CDH18: variants seen among roughly 807,000 people sequenced by gnomAD.
CDH18 encodes the protein cadherin 18.
A neutral mutation model predicts 67.9 loss-of-function variants in CDH18; 31 were observed. The observed-to-expected ratio is 0.46, with a 90% CI of 0.34 to 0.62. CDH18 has a LOEUF of 0.62. Among genes scored for constraint, CDH18 ranks in the 20% least tolerant of loss-of-function variants. The probability of loss-of-function intolerance (pLI) is 0.01; values close to 1 mark genes in which losing one functional copy is unlikely to be tolerated. For missense variants in CDH18, 890 were observed against 975.5 expected (o/e 0.91, Z 1.17); for synonymous variants, 362 against 347.2 (o/e 1.04, Z -0.48).
chr5:20,443,219 A>AAAAAAAAAAAAAG (rs1749760920), intron 1 of CDH18, among the ~76,000 whole-genome samples: 1 of 149,538 alleles, frequency 6.7e-6, no homozygotes, highest in African/African-American at 2.5e-5. Context: ...CAAAAAAAAA[A>AAAAAAAAAAAAAG]AAAAAAAAAA....
chr5:20,162,149 T>A (rs1289794048), intron 2 of CDH18, among the ~76,000 whole-genome samples: 1 of 152,022 alleles, frequency 6.6e-6, no homozygotes, highest in Non-Finnish European at 1.5e-5. Flanking sequence ...AAGCTCAATT[T>A]CTTTAGGCTT....
intron 1 of CDH18, among the ~76,000 whole-genome samples, chr5:20,264,176 A>G (rs1400609411): frequency 6.6e-6 from 1 of 152,088 alleles, no homozygotes; most frequent in Admixed American, 6.6e-5. Context: ...AACTACAGAT[A>G]TAATAATGCT....
At chr5:19,971,479 T>C (rs1324934513) in intron 2 of CDH18, among the ~76,000 whole-genome samples, 1 of 152,016 alleles carries the variant, frequency 6.6e-6, no homozygotes, top group East Asian at 1.9e-4. Context: ...AGATAGTTTG[T>C]TTAAAAGAAT....
chr5:20,268,172 C>T (rs1745181153), intron 1 of CDH18, among the ~76,000 whole-genome samples: 1 of 152,058 alleles, frequency 6.6e-6, no homozygotes, highest in Admixed American at 6.6e-5. Flanking sequence ...GTATACGTAC[C>T]ATATTTTCTT....
intron 2 of CDH18, among the ~76,000 whole-genome samples, chr5:19,840,287 A>G (rs866513586): frequency 0.012 from 633 of 52,324 alleles, 2 homozygotes; most frequent in Non-Finnish European, 0.022. Flanking sequence ...AAAAAAAAAA[A>G]GAAAAAAAAA....
chr5:19,561,066 C>T (rs746480757), intron 8 of CDH18, among the ~76,000 whole-genome samples: 6 of 152,012 alleles, frequency 3.9e-5, no homozygotes, highest in Non-Finnish European at 5.9e-5. Context: ...GGTGGGAGTG[C>T]AAACTAGTAC....
At chr5:20,520,475 C>T (rs758954754) in intron 1 of CDH18, among the ~76,000 whole-genome samples, 12 of 152,080 alleles carry the variant, frequency 7.9e-5, no homozygotes, top group Non-Finnish European at 1.5e-4. Flanking sequence ...AAGCTCCCAC[C>T]TGAGAGGAAT....
chr5:20,152,942 T>A (rs1028878653), intron 2 of CDH18, among the ~76,000 whole-genome samples: 1 of 149,104 alleles, frequency 6.7e-6, no homozygotes, highest in South Asian at 2.1e-4. Flanking sequence ...ATGAGGAATT[T>A]TTTTTTTTTT....
intron 7 of CDH18, among the ~76,000 whole-genome samples, chr5:19,581,589 AGAG>A (rs1190573870): frequency 6.6e-6 from 1 of 151,994 alleles, no homozygotes; most frequent in Non-Finnish European, 1.5e-5. Context: ...CTAACTAATA[AGAG>A]AAGAGACTCT....
rs182818400 is a variant in CDH18, at chr5:20,459,069, G to A, written c.-580+116393C>T. Among the ~76,000 whole-genome samples, 8 of 152,294 alleles carry A rather than the reference G, an allele frequency of 5.3e-5. No individual in the cohort carries two copies. The South Asian group carries it at 6.2e-4, about 12-fold the overall frequency. On this transcript the variant is annotated intron_variant, in intron 1 of 14. Transcript: ENST00000507958. Reference sequence around the variant, plus strand: ...ATACTTGATAATAGGACCCTGTCACGTGTATGCATATGTTTGTTTTTCAAG... The same window carrying A: ...ATACTTGATAATAGGACCCTGTCACATGTATGCATATGTTTGTTTTTCAAG...
Position 19,539,684 on chromosome 5 carries a change from G to A in CDH18, c.1390+4185C>T, listed in dbSNP as rs976931124. Among the ~76,000 whole-genome samples, 14 of 152,086 alleles carry A rather than the reference G, an allele frequency of 9.2e-5. 1 individual carries two copies. The highest frequency in any genetic ancestry group is 4.1e-4 in the South Asian group (2 of 4,824). On this transcript the variant is annotated intron_variant, in intron 9 of 12. Coordinates refer to ENST00000382275, the MANE Select transcript of CDH18 (RefSeq NM_004934.5). ...AAGGAGAAGCAAAGTCACATCTTAC[G>A]TGGCAGCAGGCAAGAGAAAGCCTGT...
chr5:19,758,785 A>G (rs1451925017), intron 3 of CDH18, among the ~76,000 whole-genome samples: 1 of 152,178 alleles, frequency 6.6e-6, no homozygotes, highest in Non-Finnish European at 1.5e-5. Flanking sequence ...AAGGTCCTTG[A>G]ATTGTAGTTG....
chr5:19,523,330 A>G (rs1465953860), intron 9 of CDH18, among the ~76,000 whole-genome samples: 7 of 152,180 alleles, frequency 4.6e-5, no homozygotes, highest in Non-Finnish European at 7.4e-5. Context: ...GGAAGAATTG[A>G]TAAATTTGAT....
At chr5:19,736,302 G>T (rs1490249452) in intron 4 of CDH18, among the ~76,000 whole-genome samples, 2 of 152,082 alleles carry the variant, frequency 1.3e-5, no homozygotes, top group Non-Finnish European at 2.9e-5. Flanking sequence ...GATCACTTGA[G>T]CCTCGGAGAT....
At chr5:20,013,690 G>A (rs1189367987) in intron 2 of CDH18, among the ~76,000 whole-genome samples, 2 of 151,926 alleles carry the variant, frequency 1.3e-5, no homozygotes, top group Non-Finnish European at 2.9e-5. Context: ...TTACAATCAA[G>A]CATCAGAATA....
At position 19,755,462 on chromosome 5, in the gene CDH18, C is replaced by CATATAT. The variant is rs375579381; in HGVS notation, c.229-8227_229-8226insATATAT. Among the ~76,000 whole-genome samples, 22 of 79,258 alleles carry CATATAT rather than the reference C, an allele frequency of 2.8e-4. 2 individuals are homozygous for CATATAT. The highest frequency in any genetic ancestry group is 1.5e-3 in the East Asian group (4 of 2,702). 52.0% of individuals were successfully genotyped at this position (79,258 alleles called of 152,430 possible). ...ATATATATATATATATATATATACA[C>CATATAT]ACACACACACACATACATAGATATA... is the stretch of plus-strand genomic sequence containing the variant. On this transcript the variant is annotated intron_variant, in intron 3 of 12. Coordinates refer to ENST00000382275, the MANE Select transcript of CDH18 (RefSeq NM_004934.5).
chr5:19,756,969 A>G (rs1166110459), intron 3 of CDH18, among the ~76,000 whole-genome samples: 3 of 152,214 alleles, frequency 2.0e-5, no homozygotes, highest in African/African-American at 4.8e-5. Flanking sequence ...ACTTTGCCTC[A>G]GCCCTGCAAA....
At chr5:19,835,855 A>G (rs1467498718) in intron 3 of CDH18, among the ~76,000 whole-genome samples, 1 of 152,170 alleles carries the variant, frequency 6.6e-6, no homozygotes, top group Non-Finnish European at 1.5e-5. Flanking sequence ...TCCATACTAC[A>G]GACAACAGAA....
chr5:20,061,528 T>G (rs1742485945), intron 2 of CDH18, among the ~76,000 whole-genome samples: 1 of 152,178 alleles, frequency 6.6e-6, no homozygotes, highest in Non-Finnish European at 1.5e-5. Flanking sequence ...TTAAATGAAC[T>G]TGTTTGATGT....
Sources: allele counts gnomAD v4.1 joint callset (sites outside exome capture counted in the v4.1 genomes callset), GRCh38; gene constraint gnomAD v4.1.1; transcripts MANE v1.5; gene names NCBI Gene and HGNC (gene_info 2026-07-23, HGNC 2026-07-21).